TMEM117: variants seen among roughly 807,000 people sequenced by gnomAD.
TMEM117 encodes transmembrane protein 117.
In TMEM117, 27 loss-of-function variants were observed where a neutral mutation model predicts 52.4. The observed-to-expected ratio is 0.51, with a 90% confidence interval of 0.38 to 0.71. The LOEUF (loss-of-function observed/expected upper bound fraction) is 0.71, where lower values mean the gene tolerates loss of function less well. TMEM117 is among the 30% of genes least tolerant of loss of function. TMEM117 has a pLI of 0.00. For synonymous variants in TMEM117, 215 were observed against 206.3 expected (o/e 1.04, Z -0.36); for missense variants, 556 against 630.5 (o/e 0.88, Z 1.26).
intron 5 of TMEM117, among the ~76,000 whole-genome samples, chr12:44,273,924 C>G (rs922759177): frequency 6.6e-6 from 1 of 152,004 alleles, no homozygotes; most frequent in Non-Finnish European, 1.5e-5. Flanking sequence ...ACAAGAATGC[C>G]CACTTTCAAC....
intron 2 of TMEM117, among the ~76,000 whole-genome samples, chr12:43,934,819 G>A (rs1944924402): frequency 6.6e-6 from 1 of 151,964 alleles, no homozygotes; most frequent in Non-Finnish European, 1.5e-5. Flanking sequence ...GAATATTAAT[G>A]TAATGGTACT....
chr12:44,205,115 T>C (rs1208450090), intron 4 of TMEM117, among the ~76,000 whole-genome samples: 1 of 152,150 alleles, frequency 6.6e-6, no homozygotes, highest in Non-Finnish European at 1.5e-5. Flanking sequence ...ATGAACAACC[T>C]ACATGATATG....
chr12:43,867,785 T>C (rs1424715166), intron 2 of TMEM117, among the ~76,000 whole-genome samples: 3 of 152,154 alleles, frequency 2.0e-5, no homozygotes, highest in Non-Finnish European at 4.4e-5. Flanking sequence ...AATCAAAATA[T>C]CTGATACTAA....
intron 5 of TMEM117, among the ~76,000 whole-genome samples, chr12:44,278,824 G>A (rs992573197): frequency 3.3e-5 from 5 of 152,134 alleles, no homozygotes; most frequent in African/African-American, 9.7e-5. Context: ...CTAGGCAGAT[G>A]TATCCACTTC....
intron 5 of TMEM117, among the ~76,000 whole-genome samples, chr12:44,291,499 G>A (rs1950705776): frequency 7.1e-6 from 1 of 139,928 alleles, no homozygotes; most frequent in African/African-American, 2.6e-5. Context: ...TCATTTTCTT[G>A]CCTAATTGCT....
chr12:44,049,092 C>G (rs1014729326), intron 3 of TMEM117, among the ~76,000 whole-genome samples: 47 of 152,124 alleles, frequency 3.1e-4, no homozygotes, highest in African/African-American at 1.1e-3. Flanking sequence ...ATAAATCATT[C>G]TACTGCAAAG....
intron 7 of TMEM117, among the ~76,000 whole-genome samples, chr12:44,387,629 A>G (rs80174624): frequency 0.013 from 1,985 of 152,264 alleles, 44 homozygotes; most frequent in African/African-American, 0.045. Flanking sequence ...TAAAACTGTA[A>G]GAGATGTTCA....
At chr12:44,395,599 A>G in the TMEM117 span, among the ~76,000 whole-genome samples, 1 of 152,212 alleles carries the variant, frequency 6.6e-6, no homozygotes, top group Non-Finnish European at 1.5e-5. Context: ...ATAAAAATCA[A>G]TTCCTTGCTC....
At chr12:44,065,279 T>C (rs1947204971) in intron 3 of TMEM117, among the ~76,000 whole-genome samples, 1 of 151,688 alleles carries the variant, frequency 6.6e-6, no homozygotes, top group Admixed American at 6.6e-5. Context: ...AGGAGGAGAA[T>C]TGGGAGGCTG....
chr12:43,934,605 T>G (rs1944921156), intron 2 of TMEM117, among the ~76,000 whole-genome samples: 1 of 152,196 alleles, frequency 6.6e-6, no homozygotes, highest in South Asian at 2.1e-4. Flanking sequence ...TTTTCCTTTT[T>G]TTTATAGAAC....
At chr12:44,353,293 G>T (rs1228934342) in intron 6 of TMEM117, among the ~76,000 whole-genome samples, 41 of 151,364 alleles carry the variant, frequency 2.7e-4, no homozygotes, top group South Asian at 6.3e-4. Flanking sequence ...AGAAGCTCTT[G>T]AGTTTAATTA....
At chr12:44,096,387 A>C (rs1177515347) in intron 3 of TMEM117, among the ~76,000 whole-genome samples, 1 of 152,042 alleles carries the variant, frequency 6.6e-6, no homozygotes, top group Admixed American at 6.6e-5. Context: ...TGGAACCAAA[A>C]AAGAGCCCAC....
intron 3 of TMEM117, among the ~76,000 whole-genome samples, chr12:44,059,328 T>C (rs1947103983): frequency 6.6e-6 from 1 of 152,204 alleles, no homozygotes; most frequent in Non-Finnish European, 1.5e-5. Context: ...TTAAAATCCC[T>C]TTAAGATTAA....
chr12:44,365,529 A>T (rs1358089290), intron 6 of TMEM117, among the ~76,000 whole-genome samples: 1 of 152,082 alleles, frequency 6.6e-6, no homozygotes, highest in African/African-American at 2.4e-5. Context: ...TCCTTTTGGT[A>T]TCAATTGTGC....
chr12:44,250,271 A>C (rs1375839435), intron 5 of TMEM117, among the ~76,000 whole-genome samples: 2 of 152,254 alleles, frequency 1.3e-5, no homozygotes. Flanking sequence ...AGAAATGCGA[A>C]TCAAAACCAC....
chr12:44,124,781 A>G (rs546462198), intron 3 of TMEM117, among the ~76,000 whole-genome samples: 2 of 152,130 alleles, frequency 1.3e-5, no homozygotes, highest in Non-Finnish European at 2.9e-5. Context: ...TAAGTTTTTT[A>G]TGTGCTGCTA....
chr12:44,320,307 C>T (rs988286825), intron 6 of TMEM117, among the ~76,000 whole-genome samples: 1 of 152,224 alleles, frequency 6.6e-6, no homozygotes, highest in Non-Finnish European at 1.5e-5. Flanking sequence ...CTATACCTTA[C>T]AGTTCATGTT....
At chr12:43,873,152 C>A (rs1943735107) in intron 2 of TMEM117, among the ~76,000 whole-genome samples, 1 of 152,146 alleles carries the variant, frequency 6.6e-6, no homozygotes, top group Admixed American at 6.5e-5. Flanking sequence ...CTAATTAAAA[C>A]TGCTTCTAAT....
intron 6 of TMEM117, among the ~76,000 whole-genome samples, chr12:44,349,849 C>T (rs1416583426): frequency 6.6e-6 from 1 of 152,022 alleles, no homozygotes. Flanking sequence ...TGACTGAGAC[C>T]TAGTCCTTGC....
Sources: allele counts gnomAD v4.1 joint callset (sites outside exome capture counted in the v4.1 genomes callset), GRCh38; gene constraint gnomAD v4.1.1; transcripts MANE v1.5; gene names NCBI Gene and HGNC (gene_info 2026-07-23, HGNC 2026-07-21).